ZFPM1: variants seen among roughly 807,000 people sequenced by gnomAD.
ZFPM1 encodes zinc finger protein, FOG family member 1, also known as zinc finger protein ZFPM1.
In ZFPM1, 28 loss-of-function variants were observed where a neutral mutation model predicts 46.3. The ratio of observed to expected loss-of-function variants is 0.60; its 90% CI spans 0.45 to 0.83. ZFPM1 has a LOEUF of 0.83. ZFPM1 is among the 40% of genes least tolerant of loss of function. The pLI, the probability that ZFPM1 is intolerant of heterozygous loss-of-function variation, is 0.00. For synonymous variants in ZFPM1, 957 were observed against 675.9 expected (o/e 1.42, Z -6.45); for missense variants, 1,878 against 1,432.4 (o/e 1.31, Z -5.02).
At position 88,481,477 on chromosome 16, in the gene ZFPM1, G is replaced by A. The variant is rs533933448; in HGVS notation, c.41-4462G>A. On this transcript the variant is annotated intron_variant, in intron 1 of 9. Coordinates refer to ENST00000319555, the MANE Select transcript of ZFPM1 (RefSeq NM_153813.3). ...CCGTGGACAGGGCAGCTCGCAAGTC[G>A]GCCTTGCTGGGCCTTGGTTTACTCA... Among the ~76,000 whole-genome samples the A allele has an allele frequency of 6.7e-4, 100 of 149,342 alleles. 2 individuals carry two copies. In the South Asian group the frequency reaches 0.019, roughly 29 times the overall value.
At chr16:88,527,197 G>A (rs1055383466) in intron 5 of ZFPM1, among the ~76,000 whole-genome samples, 8 of 152,182 alleles carry the variant, frequency 5.3e-5, no homozygotes, top group South Asian at 2.1e-4. Context: ...GGGGGACACC[G>A]TGATCCCCGT....
Position 88,534,943 on chromosome 16 carries a change from T to G in ZFPM1, c.2985T>G (p.Tyr995Ter). Residue 995 changes from tyrosine (Y) to a stop codon, truncating the protein, a stop_gained, in exon 10 of 10, where the codon TAT becomes TAG. Transcript: ENST00000319555. LOFTEE classifies it high-confidence loss of function. ...CCACCTTCATCGCCCACAAGAAGTA[T>G]TACTGCTCCTCGCACGCCGCCGAGC... is the stretch of plus-strand genomic sequence containing the variant. ...SLSTFIAHKK[Y>*]YCSSHAAEHV... The G allele has an allele frequency of 6.6e-7, 1 of 1,525,316 alleles. No homozygotes were observed. The highest frequency in any genetic ancestry group is 8.8e-7 in the Non-Finnish European group (1 of 1,132,622). The allele number at this position is 1,525,316 out of a possible 1,614,324, so 94.5% of individuals were successfully genotyped here.
intron 3 of ZFPM1, among the ~76,000 whole-genome samples, chr16:88,504,235 G>A (rs983772310): frequency 3.3e-5 from 5 of 152,112 alleles, no homozygotes; most frequent in Non-Finnish European, 7.4e-5. Flanking sequence ...CGCCCAGGCC[G>A]ATAGGACACA....
At chr16:88,515,370 A>T (rs1262645902) in intron 4 of ZFPM1, among the ~76,000 whole-genome samples, 2 of 152,154 alleles carry the variant, frequency 1.3e-5, no homozygotes, top group Admixed American at 6.5e-5. Flanking sequence ...TCCTGCCTTT[A>T]TGCCATTTCC....
At chr16:88,498,483 T>C (rs1047346348) in intron 3 of ZFPM1, among the ~76,000 whole-genome samples, 3 of 152,094 alleles carry the variant, frequency 2.0e-5, no homozygotes, top group Non-Finnish European at 4.4e-5. Context: ...TCAACCAGCG[T>C]GTGTATGAGG....
chr16:88,476,202 C>T (rs1908675511), intron 1 of ZFPM1, among the ~76,000 whole-genome samples: 1 of 152,068 alleles, frequency 6.6e-6, no homozygotes, highest in Non-Finnish European at 1.5e-5. Flanking sequence ...CCCGAAGGCC[C>T]CTCGCGGGAA....
At chr16:88,493,040 T>TGGAGAGCTATCCCGGGGTGC (rs1567537388) in intron 3 of ZFPM1, among the ~76,000 whole-genome samples, 6 of 90,774 alleles carry the variant, frequency 6.6e-5, no homozygotes, top group East Asian at 3.7e-4. Flanking sequence ...TCCCGGGGTA[T>TGGAGAGCTATCCCGGGGTGC]GGAGAGCTAT....
At position 88,533,992 on chromosome 16, in the gene ZFPM1, C is replaced by A. The variant is rs757716198; in HGVS notation, c.2034C>A (p.Asp678Glu). ...SPGSSVDDAEDDPSRTLCEAC... is the reference protein window; with the variant it reads ...SPGSSVDDAEEDPSRTLCEAC... ...GTAGCTCCGTGGACGACGCGGAGGA[C>A]GACCCCAGCCGCACGCTGTGCGAGG... is the stretch of plus-strand genomic sequence containing the variant. The change falls in exon 10 of 10, where the codon GAC becomes GAA. Residue 678 changes from aspartate (D) to glutamate (E), a missense_variant. Asp to Glu is a conservative substitution (Grantham distance 45, BLOSUM62 2). Coordinates refer to ENST00000319555, the MANE Select transcript of ZFPM1 (RefSeq NM_153813.3). 7.3e-7 allele frequency: 1 copy of A among 1,365,436 alleles called. No homozygotes were observed. The highest frequency in any genetic ancestry group is 1.2e-5 in the South Asian group (1 of 80,618). The allele number at this position is 1,365,436 out of a possible 1,614,324, so 84.6% of individuals were successfully genotyped here.
At chr16:88,526,988 G>A in intron 5 of ZFPM1, 72 bp downstream of exon 5, 2 of 1,499,948 alleles carry the variant, frequency 1.3e-6, no homozygotes, top group African/African-American at 1.4e-5. Context: ...CCTGGGCTGA[G>A]CCCTTAAAGG....
At chr16:88,533,007 C>G (rs765992831) in intron 9 of ZFPM1, 72 bp downstream of exon 9, 1 of 1,585,702 alleles carries the variant, frequency 6.3e-7, no homozygotes, top group Non-Finnish European at 8.6e-7. Flanking sequence ...GGGCTTGTCG[C>G]CCAAGACAGG....
chr16:88,511,129 A>C (rs540663800), intron 3 of ZFPM1, among the ~76,000 whole-genome samples: 2 of 152,130 alleles, frequency 1.3e-5, no homozygotes, highest in African/African-American at 4.8e-5. Flanking sequence ...AGGGAAGGAC[A>C]CCACCCCCTG....
intron 1 of ZFPM1, among the ~76,000 whole-genome samples, chr16:88,474,412 G>T (rs925971942): frequency 1.3e-5 from 2 of 152,192 alleles, no homozygotes; most frequent in African/African-American, 4.8e-5. Context: ...GCAGCCCAGG[G>T]ACCCTACCAC....
intron 3 of ZFPM1, among the ~76,000 whole-genome samples, chr16:88,498,377 C>G (rs1366410986): frequency 6.6e-6 from 1 of 152,170 alleles, no homozygotes; most frequent in African/African-American, 2.4e-5. Context: ...TGGGCCTGCC[C>G]TGGACGTGTA....
chr16:88,479,419 C>G lies in ZFPM1; in HGVS notation c.41-6520C>G, dbSNP rs562874707. 6.9e-4 allele frequency among the ~76,000 whole-genome samples: 105 copies of G among 152,204 alleles called. 1 individual carries two copies. The highest frequency in any genetic ancestry group is 2.3e-3 in the African/African-American group (97 of 41,522). On this transcript the variant is annotated intron_variant, in intron 1 of 9. Coordinates refer to ENST00000319555, the MANE Select transcript of ZFPM1 (RefSeq NM_153813.3). ...GCTGGAGGTCATGCTGTAGACTCAA[C>G]TCGGGTCAGCCTGGGGGACCCAGGC...
rs147997880 is a variant in ZFPM1 at position 88,510,307 on chromosome 16, C to T, written c.269-4080C>T. 3.3e-5 allele frequency among the ~76,000 whole-genome samples: 5 copies of T among 152,316 alleles called. No individual in the cohort carries two copies. The East Asian group carries it at 9.7e-4, about 30-fold the overall frequency. On this transcript the variant is annotated intron_variant, in intron 3 of 9. Coordinates refer to ENST00000319555, the MANE Select transcript of ZFPM1 (RefSeq NM_153813.3). ...CAAAAGGCCCTGGACCCTGGCCAGA[C>T]CCACCGGGCTCCCCTCAGCCAGGTT... is the stretch of plus-strand genomic sequence containing the variant.
intron 3 of ZFPM1, among the ~76,000 whole-genome samples, chr16:88,494,588 G>A (rs767330714): frequency 2.0e-5 from 3 of 152,266 alleles, no homozygotes; most frequent in East Asian, 1.9e-4. Flanking sequence ...GGGTGTCCGC[G>A]GGCCTCCAGG....
At chr16:88,461,506 G>A (rs1450139699) in intron 1 of ZFPM1, among the ~76,000 whole-genome samples, 2 of 152,174 alleles carry the variant, frequency 1.3e-5, no homozygotes, top group African/African-American at 4.8e-5. Flanking sequence ...CTGTATCTGG[G>A]GCCTCTGTTT....
chr16:88,456,728 G>A (rs1000069689), intron 1 of ZFPM1, among the ~76,000 whole-genome samples: 3 of 152,228 alleles, frequency 2.0e-5, no homozygotes, highest in Non-Finnish European at 4.4e-5. Flanking sequence ...TGCGAGTGAG[G>A]TCGGGAGTGA....
intron 2 of ZFPM1, among the ~76,000 whole-genome samples, chr16:88,486,801 T>C (rs1173900294): frequency 6.9e-6 from 1 of 145,540 alleles, no homozygotes; most frequent in Non-Finnish European, 1.5e-5. Context: ...GCACAGTGGA[T>C]GCTGGGTGCA....
Sources: gnomAD v4.1 joint callset for allele counts (sites outside exome capture counted in the v4.1 genomes callset) on GRCh38, gnomAD v4.1.1 for gene constraint, MANE v1.5 for transcripts, NCBI Gene and HGNC (gene_info 2026-07-23, HGNC 2026-07-21) for gene names.